The following NEK10 variants were observed in gnomAD, a reference collection of about 807,000 sequenced individuals.
NEK10 encodes NIMA related kinase 10, also known as serine/threonine-protein kinase Nek10.
A neutral mutation model predicts 159.8 loss-of-function variants in NEK10; 122 were observed. That is an observed-to-expected ratio of 0.76 (90% CI 0.66 to 0.89). The LOEUF (loss-of-function observed/expected upper bound fraction) is 0.89. Among genes scored for constraint, NEK10 ranks in the 40% least tolerant of loss-of-function variants. NEK10 has a pLI of 0.00. For synonymous variants in NEK10, 466 were observed against 457.1 expected, an observed-to-expected ratio of 1.02 and a Z score of -0.25; for missense variants, 1,342 against 1,323.1, an observed-to-expected ratio of 1.01 and a Z score of -0.22.
intron 22 of NEK10, among the ~76,000 whole-genome samples, chr3:27,265,231 G>A (rs1254045298): frequency 6.6e-6 from 1 of 152,144 alleles, no homozygotes; most frequent in Non-Finnish European, 1.5e-5. Flanking sequence ...GAAGATTCAG[G>A]TAAGTACAAT....
chr3:27,285,260 G>A lies in NEK10; in HGVS notation c.1790-299C>T, dbSNP rs566749404. 3.3e-5 allele frequency among the ~76,000 whole-genome samples: 5 copies of A among 152,236 alleles called. No homozygotes were observed. In the South Asian group the frequency reaches 1.0e-3, roughly 32 times the overall value. The stretch of plus-strand genomic sequence containing the variant: ...TGCCAGGATGTGGAATGATTGAAAG[G>A]TGCCACAGAGAACAAGTAAATGATC... On this transcript the variant is annotated intron_variant, in intron 20 of 35. Transcript: ENST00000691995.
chr3:27,356,994 C>T (rs1243132990), intron 1 of NEK10, among the ~76,000 whole-genome samples: 2 of 152,292 alleles, frequency 1.3e-5, no homozygotes, highest in African/African-American at 4.8e-5. Context: ...TAAGGAGTGA[C>T]TTATTTTGTC....
intron 23 of NEK10, among the ~76,000 whole-genome samples, chr3:27,255,738 A>C (rs537678194): frequency 6.6e-6 from 1 of 152,280 alleles, no homozygotes; most frequent in African/African-American, 2.4e-5. Flanking sequence ...AAATATAAAC[A>C]CTCATTTATC....
chr3:27,314,670 G>A (rs902101172), intron 6 of NEK10, among the ~76,000 whole-genome samples: 11 of 152,260 alleles, frequency 7.2e-5, no homozygotes, highest in African/African-American at 2.4e-4. Flanking sequence ...ATATTCTCAT[G>A]TTACAGATGA....
chr3:27,322,308 G>A (rs2045700996), intron 5 of NEK10, 47 bp from the exon 6 acceptor site: 1 of 1,159,720 alleles, frequency 8.6e-7, no homozygotes. Context: ...AAATCCCAGT[G>A]TGGCAATTCA....
intron 23 of NEK10, among the ~76,000 whole-genome samples, chr3:27,234,738 G>A (rs549972436): frequency 2.0e-5 from 3 of 151,888 alleles, no homozygotes; most frequent in Non-Finnish European, 2.9e-5. Flanking sequence ...ATAATTTGAC[G>A]TCCTTCACAG....
chr3:27,349,751 G>C (rs2047833571), intron 3 of NEK10, among the ~76,000 whole-genome samples: 1 of 152,116 alleles, frequency 6.6e-6, no homozygotes, highest in African/African-American at 2.4e-5. Flanking sequence ...TCTCCAATCA[G>C]CTTTGTAGTT....
rs548265757 is a variant in NEK10, at chr3:27,269,527, G to C, written c.2015-13156C>G. Among the ~76,000 whole-genome samples, 352 of 152,176 alleles carry C rather than the reference G, an allele frequency of 2.3e-3. 2 individuals are homozygous for C. The highest frequency in any genetic ancestry group is 4.3e-3 in the Non-Finnish European group (291 of 68,032). On this transcript the variant is annotated intron_variant, in intron 22 of 35. Transcript: ENST00000691995. ...ATGATTGTTAGCACTTTTTAGCAAC[G>C]AATTATGTTTTAATTGAGGTATGTG...
chr3:27,258,668 G>A (rs573963203), intron 22 of NEK10, among the ~76,000 whole-genome samples: 5 of 152,074 alleles, frequency 3.3e-5, no homozygotes, highest in South Asian at 2.1e-4. Flanking sequence ...GAATAGTGCC[G>A]CAATAAACTT....
chr3:27,164,683 A>T (rs1478058735), intron 29 of NEK10, among the ~76,000 whole-genome samples: 1 of 152,116 alleles, frequency 6.6e-6, no homozygotes, highest in Non-Finnish European at 1.5e-5. Context: ...GCCCTTCCTT[A>T]AGTGTTGGTC....
At chr3:27,363,966 A>C (rs531166858) in intron 1 of NEK10, 56 of 152,240 alleles carry the variant, frequency 3.7e-4, no homozygotes, top group African/African-American at 1.3e-3. Context: ...AAAAATTAGA[A>C]ATAACAACAT....
rs2047691863 is a variant in NEK10, at chr3:27,348,004, T to C, written c.133-1788A>G. 3.3e-5 allele frequency among the ~76,000 whole-genome samples: 5 copies of C among 152,344 alleles called. 1 individual carries two copies. The South Asian group carries it at 1.0e-3, about 32-fold the overall frequency. On this transcript the variant is annotated intron_variant, in intron 3 of 35. Coordinates refer to ENST00000691995, the MANE Select transcript of NEK10 (RefSeq NM_001394966.1). Reference sequence around the variant, plus strand: ...GTCAAGCATAGTTCTAATTGCTTTGTACATACTCTTTTAATCCTCATAATT... The same window carrying C: ...GTCAAGCATAGTTCTAATTGCTTTGCACATACTCTTTTAATCCTCATAATT...
intron 32 of NEK10, among the ~76,000 whole-genome samples, chr3:27,128,635 AT>A (rs34991281): frequency 0.31 from 46,966 of 149,142 alleles, 7,532 homozygotes; most frequent in Middle Eastern, 0.44. Flanking sequence ...CCAATGAGGG[AT>A]TTTTTTTTTT....
At chr3:27,352,588 C>T (rs2048050168) in intron 2 of NEK10, 63 bp from the exon 3 acceptor site, 9 of 1,213,940 alleles carry the variant, frequency 7.4e-6, no homozygotes, top group South Asian at 4.9e-5. Context: ...GATCGTGTTA[C>T]CCACTGATGG....
At chr3:27,113,271 A>G (rs1029307277) in intron 35 of NEK10, among the ~76,000 whole-genome samples, 1 of 151,934 alleles carries the variant, frequency 6.6e-6, no homozygotes, top group Non-Finnish European at 1.5e-5. Flanking sequence ...TTTCTACTAA[A>G]AATACAAAAA....
chr3:27,214,282 C>T (rs111437892), intron 23 of NEK10, among the ~76,000 whole-genome samples: 1,749 of 152,350 alleles, frequency 0.011, 10 homozygotes, highest in South Asian at 0.02. Flanking sequence ...CATATGTTAT[C>T]AGGACCTCCT....
intron 25 of NEK10, among the ~76,000 whole-genome samples, chr3:27,193,308 C>G (rs1949271105): frequency 6.6e-6 from 1 of 152,216 alleles, no homozygotes; most frequent in African/African-American, 2.4e-5. Flanking sequence ...AAATAACACA[C>G]TCATTTCTTG....
At chr3:27,311,067 G>A (rs2044658614) in intron 8 of NEK10, 51 bp from the exon 9 acceptor site, 1 of 1,136,322 alleles carries the variant, frequency 8.8e-7, no homozygotes, top group Admixed American at 1.7e-5. Context: ...TAAAGGGGGA[G>A]TACTTCCAGG....
At position 27,206,671 on chromosome 3, in the gene NEK10, C is replaced by T. The variant is rs571795975; in HGVS notation, c.2091-4114G>A. The T allele has an allele frequency of 7.2e-6, 7 of 977,480 alleles. No individual in the cohort carries two copies. In the East Asian group the frequency reaches 3.4e-4, roughly 48 times the overall value. 60.6% of individuals were successfully genotyped at this position (977,480 alleles called of 1,614,324 possible). A position where few individuals can be genotyped will look rare whatever the true frequency, so the allele number is the denominator to read the frequency against. ...TTCCATTCTTCAAGCCCCTCAAGTGCGCACAGAGATGAAGGCTCTGTTACA... is the reference window on the plus strand; with the variant it reads ...TTCCATTCTTCAAGCCCCTCAAGTGTGCACAGAGATGAAGGCTCTGTTACA... On this transcript the variant is annotated intron_variant, in intron 23 of 35. Transcript: ENST00000691995.
Sources: allele counts gnomAD v4.1 joint callset (sites outside exome capture counted in the v4.1 genomes callset), GRCh38; gene constraint gnomAD v4.1.1; transcripts MANE v1.5; gene names NCBI Gene and HGNC (gene_info 2026-07-23, HGNC 2026-07-21).